Variants in CAMTA1 observed in about 807,000 individuals in gnomAD.
CAMTA1 encodes calmodulin-binding transcription activator 1.
Under a neutral mutation model 170.9 loss-of-function variants are expected in CAMTA1, and 27 were observed. That is an observed-to-expected ratio of 0.16 (90% confidence interval 0.12 to 0.22). The LOEUF is 0.22. Ranked by LOEUF, CAMTA1 falls within the 10% of genes least tolerant of loss-of-function variation. The pLI, the probability that CAMTA1 is intolerant of heterozygous loss-of-function variation, is 1.00. For missense variants in CAMTA1, 1,619 were observed against 2,217.2 expected, an observed-to-expected ratio of 0.73 and a Z score of 5.42; for synonymous variants, 833 against 891.5, an observed-to-expected ratio of 0.93 and a Z score of 1.17.
intron 5 of CAMTA1, among the ~76,000 whole-genome samples, chr1:7,450,931 T>C (rs1000668304): frequency 2.0e-5 from 3 of 152,166 alleles, no homozygotes; most frequent in Non-Finnish European, 2.9e-5. Flanking sequence ...AGGAGGATCA[T>C]CCTAGAGGCT....
intron 1 of CAMTA1, among the ~76,000 whole-genome samples, chr1:6,792,055 G>A (rs1292313830): frequency 6.6e-6 from 1 of 152,006 alleles, no homozygotes; most frequent in South Asian, 2.1e-4. Context: ...CCAGGTTCAA[G>A]CGATTGTCCT....
rs1394097776 is a variant in CAMTA1 at position 6,934,733 on chromosome 1, G to C, written c.234+109523G>C. ...CCGCACCATGGCTTTACCTAGCCCT[G>C]CTCTTCAGTGAAGGTATCTTGCAGA... is the stretch of plus-strand genomic sequence containing the variant. On this transcript the variant is annotated intron_variant, in intron 3 of 22. Transcript: ENST00000303635. The surrounding 1 kb of genome is among the most constrained non-coding windows in gnomAD (Gnocchi z 4.5). Among the ~76,000 whole-genome samples the C allele has an allele frequency of 6.6e-6, 1 of 151,810 alleles. No individual in the cohort carries two copies. The highest frequency in any genetic ancestry group is 1.9e-4 in the East Asian group (1 of 5,162).
chr1:7,675,464 T>G (rs868718038), intron 10 of CAMTA1, among the ~76,000 whole-genome samples: 3 of 152,046 alleles, frequency 2.0e-5, no homozygotes, highest in Non-Finnish European at 4.4e-5. Flanking sequence ...GATTCTAGGT[T>G]GTAGGGAGGA....
At chr1:6,848,745 G>A (rs1175668364) in intron 3 of CAMTA1, among the ~76,000 whole-genome samples, 1 of 152,162 alleles carries the variant, frequency 6.6e-6, no homozygotes, top group African/African-American at 2.4e-5. Flanking sequence ...TGATAGATTA[G>A]CAAGAGAAAA....
intron 3 of CAMTA1, among the ~76,000 whole-genome samples, chr1:6,900,157 A>T (rs1472299858): frequency 6.6e-6 from 1 of 152,240 alleles, no homozygotes; most frequent in Admixed American, 6.5e-5. Context: ...TGGAGATACT[A>T]AACATATGCT....
intron 4 of CAMTA1, among the ~76,000 whole-genome samples, chr1:7,186,452 A>G (rs1653287168): frequency 1.3e-5 from 2 of 152,132 alleles, no homozygotes; most frequent in South Asian, 2.1e-4. Context: ...GATGGCCTTG[A>G]GGGTATGTGT....
intron 1 of CAMTA1, among the ~76,000 whole-genome samples, chr1:6,799,188 C>T (rs1194245001): frequency 1.3e-5 from 2 of 152,204 alleles, no homozygotes; most frequent in African/African-American, 2.4e-5. Context: ...CTGCCTCAGC[C>T]TCCTGAGTAG....
At chr1:7,208,025 A>G (rs1658073155) in intron 4 of CAMTA1, among the ~76,000 whole-genome samples, 1 of 152,260 alleles carries the variant, frequency 6.6e-6, no homozygotes, top group South Asian at 2.1e-4. Flanking sequence ...AAAGGGTAAC[A>G]CATCCCTTCC....
intron 3 of CAMTA1, among the ~76,000 whole-genome samples, chr1:6,922,936 T>C (rs1682340091): frequency 6.6e-6 from 1 of 152,150 alleles, no homozygotes; most frequent in Non-Finnish European, 1.5e-5. Context: ...CCGGTGACGG[T>C]GGCAAGCTCT....
chr1:7,691,592 T>A (rs1049870192), intron 11 of CAMTA1, among the ~76,000 whole-genome samples: 1 of 152,088 alleles, frequency 6.6e-6, no homozygotes, highest in African/African-American at 2.4e-5. Flanking sequence ...GGAGGTCTTG[T>A]GGGTGGATTC....
At chr1:7,344,762 C>G (rs1021910661) in intron 5 of CAMTA1, among the ~76,000 whole-genome samples, 24 of 98,908 alleles carry the variant, frequency 2.4e-4, no homozygotes, top group African/African-American at 7.1e-4. Context: ...TTTTTTTTTT[C>G]TTTGAGGCAG....
At chr1:7,061,567 G>T (rs1388273858) in intron 3 of CAMTA1, among the ~76,000 whole-genome samples, 1 of 152,018 alleles carries the variant, frequency 6.6e-6, no homozygotes, top group Non-Finnish European at 1.5e-5. Context: ...GAGAGGTCAA[G>T]ACCAGGCCAG....
At chr1:7,470,292 G>A (rs1438054008) in intron 6 of CAMTA1, among the ~76,000 whole-genome samples, 1 of 152,250 alleles carries the variant, frequency 6.6e-6, no homozygotes, top group Non-Finnish European at 1.5e-5. Flanking sequence ...CCTGCTCGGA[G>A]CCCAGAGCCT....
chr1:7,328,568 C>T (rs1390280846), intron 5 of CAMTA1, among the ~76,000 whole-genome samples: 5 of 152,082 alleles, frequency 3.3e-5, no homozygotes, highest in African/African-American at 1.2e-4. Flanking sequence ...GTTTTTCTCT[C>T]CTTCTTGAAG....
rs138597376 is a variant in CAMTA1 at position 7,088,109 on chromosome 1, C to T, written c.235-3195C>T. Among the ~76,000 whole-genome samples the T allele has an allele frequency of 1.8e-4, 27 of 152,280 alleles. No individual in the cohort carries two copies. The East Asian group carries it at 2.9e-3, about 16-fold the overall frequency. On this transcript the variant is annotated intron_variant, in intron 3 of 22. Transcript: ENST00000303635. ...GGTTCATGCAGCAGCATGGGACAGT[C>T]GATGGCGGGTGAGTCCATCTTTGGG...
rs2087655071 is a variant in CAMTA1 at position 7,384,014 on chromosome 1, C to T, written c.439-83816C>T. Among the ~76,000 whole-genome samples, 3 of 152,186 alleles carry T rather than the reference C, an allele frequency of 2.0e-5. 1 individual carries two copies. The South Asian group carries it at 6.2e-4, about 32-fold the overall frequency. ...GGAGCAAAGAAGGGCATGGAACTCCCTTCCCACTGAAACACAGGACGGGAC... is the reference window on the plus strand; with the variant it reads ...GGAGCAAAGAAGGGCATGGAACTCCTTTCCCACTGAAACACAGGACGGGAC... On this transcript the variant is annotated intron_variant, in intron 5 of 22. Coordinates refer to ENST00000303635, the MANE Select transcript of CAMTA1 (RefSeq NM_015215.4).
chr1:7,107,880 A>G (rs1418269805), intron 4 of CAMTA1, among the ~76,000 whole-genome samples: 1 of 152,210 alleles, frequency 6.6e-6, no homozygotes, highest in Non-Finnish European at 1.5e-5. Context: ...GGGACCATAA[A>G]TGGAAGTGTT....
chr1:7,037,837 C>CAAA (rs1156819723), intron 3 of CAMTA1, among the ~76,000 whole-genome samples: 1 of 127,700 alleles, frequency 7.8e-6, no homozygotes, highest in African/African-American at 2.8e-5. Flanking sequence ...GACTCCATAT[C>CAAA]AAAAAAAAAA....
intron 11 of CAMTA1, among the ~76,000 whole-genome samples, chr1:7,701,582 A>AT (rs1271346302): frequency 6.6e-6 from 1 of 151,462 alleles, no homozygotes; most frequent in Non-Finnish European, 1.5e-5. Context: ...CACCCCGCTA[A>AT]TTTTTTTTAA....
Sources: gnomAD v4.1 joint callset for allele counts (sites outside exome capture counted in the v4.1 genomes callset) on GRCh38, gnomAD v4.1.1 for gene constraint, Gnocchi (gnomAD v3.1) non-coding constraint, MANE v1.5 for transcripts, NCBI Gene and HGNC (gene_info 2026-07-23, HGNC 2026-07-21) for gene names.